The following SYT1 variants were observed in gnomAD, a reference collection of about 807,000 sequenced individuals.
The protein encoded by SYT1 is synaptotagmin 1.
A neutral mutation model predicts 44.8 loss-of-function variants in SYT1; 8 were observed. The observed-to-expected ratio is 0.18, with a 90% CI of 0.10 to 0.32. SYT1 has a LOEUF of 0.32. Among genes scored for constraint, SYT1 ranks in the 10% least tolerant of loss-of-function variants. The pLI, the probability that SYT1 is intolerant of heterozygous loss-of-function variation, is 1.00. For synonymous variants in SYT1, 154 were observed against 188.8 expected (o/e 0.82, Z 1.51); for missense variants, 286 against 509.3 (o/e 0.56, Z 4.22).
chr12:79,223,227 TCAGTCTTCA>T (rs1875282443), intron 4 of SYT1, among the ~76,000 whole-genome samples: 1 of 152,210 alleles, frequency 6.6e-6, no homozygotes, highest in Admixed American at 6.5e-5. Context: ...GGCACTTACT[TCAGTCTTCA>T]CAGTCTTCAT....
intron 1 of SYT1, chr12:78,960,675 T>A (rs1390542948): frequency 1.3e-5 from 2 of 152,230 alleles, no homozygotes; most frequent in African/African-American, 2.4e-5. Flanking sequence ...GATTCTCACT[T>A]ACATCAATAG....
intron 2 of SYT1, among the ~76,000 whole-genome samples, chr12:78,994,862 C>A (rs758443795): frequency 3.9e-5 from 6 of 152,068 alleles, no homozygotes; most frequent in Non-Finnish European, 7.4e-5. Flanking sequence ...TGTTTCCCAC[C>A]ATCAATATAC....
chr12:79,072,219 G>A (rs559016547), intron 3 of SYT1, among the ~76,000 whole-genome samples: 129 of 152,132 alleles, frequency 8.5e-4, no homozygotes, highest in Middle Eastern at 6.8e-3. Flanking sequence ...GTAAAAAAGA[G>A]CAACAACACT....
At chr12:79,311,689 T>C (rs1880803231) in intron 8 of SYT1, among the ~76,000 whole-genome samples, 1 of 138,152 alleles carries the variant, frequency 7.2e-6, no homozygotes, top group Non-Finnish European at 1.6e-5. Flanking sequence ...TATGCAGCCA[T>C]AAAAAATGAT....
At chr12:79,332,036 A>G (rs1881879583) in intron 8 of SYT1, among the ~76,000 whole-genome samples, 2 of 152,290 alleles carry the variant, frequency 1.3e-5, no homozygotes, top group East Asian at 1.9e-4. Context: ...ACAATTGCAT[A>G]ACATATGCTG....
In SYT1 at chr12:79,136,452, C is replaced by A. The variant is rs561997873; in HGVS notation, c.-17-81051C>A. Among the ~76,000 whole-genome samples, 7 of 152,332 alleles carry A rather than the reference C, an allele frequency of 4.6e-5. 1 individual carries two copies. Among genetic ancestry groups the A allele is most frequent in the African/African-American group, 1.4e-4 (6 of 41,582 alleles). ...ACCATATTTTGCCAACCTTGACCAG[C>A]TGTAAACTTGAGGAATCCCATACGC... On this transcript the variant is annotated intron_variant, in intron 3 of 10. Transcript: ENST00000261205.
chr12:79,384,519 A>G (rs1002196914), intron 9 of SYT1, among the ~76,000 whole-genome samples: 20 of 152,316 alleles, frequency 1.3e-4, no homozygotes, highest in African/African-American at 4.8e-4. Flanking sequence ...GCTTAACACT[A>G]GCATGTAAAA....
intron 2 of SYT1, among the ~76,000 whole-genome samples, chr12:78,988,154 C>T (rs1039352025): frequency 3.3e-5 from 5 of 151,542 alleles, no homozygotes; most frequent in South Asian, 4.2e-4. Flanking sequence ...ATGTACAATG[C>T]GTTAGGCATT....
chr12:79,099,661 G>GGT (rs1565806219), intron 3 of SYT1, among the ~76,000 whole-genome samples: 1 of 141,096 alleles, frequency 7.1e-6, no homozygotes, highest in East Asian at 2.4e-4. Flanking sequence ...AAAAGAATGA[G>GGT]TTTTTTTTTT....
chr12:79,330,742 G>A (rs529180855), intron 8 of SYT1, among the ~76,000 whole-genome samples: 66 of 152,186 alleles, frequency 4.3e-4, no homozygotes, highest in African/African-American at 1.4e-3. Flanking sequence ...GTATTAATCC[G>A]TTAAATCCAC....
chr12:79,174,846 T>C (rs574863842), intron 3 of SYT1, among the ~76,000 whole-genome samples: 1 of 152,134 alleles, frequency 6.6e-6, no homozygotes, highest in Non-Finnish European at 1.5e-5. Flanking sequence ...CGTGGGAGTT[T>C]TTAGAGACAG....
At chr12:79,397,040 T>C (rs1389100286) in intron 9 of SYT1, among the ~76,000 whole-genome samples, 1 of 152,034 alleles carries the variant, frequency 6.6e-6, no homozygotes, top group African/African-American at 2.4e-5. Context: ...GGTCCTGAGA[T>C]GGGAAGAAAC....
chr12:79,322,464 G>A (rs1481455393), intron 8 of SYT1, among the ~76,000 whole-genome samples: 1 of 152,084 alleles, frequency 6.6e-6, no homozygotes, highest in African/African-American at 2.4e-5. Flanking sequence ...CCAAATGTGG[G>A]TCATCATACA....
At chr12:79,239,552 T>A (rs1876380171) in intron 4 of SYT1, among the ~76,000 whole-genome samples, 1 of 152,238 alleles carries the variant, frequency 6.6e-6, no homozygotes, top group Non-Finnish European at 1.5e-5. Flanking sequence ...ATGAGGTATA[T>A]GAGAAATCTC....
chr12:78,996,144 A>G (rs1870366102), intron 2 of SYT1, among the ~76,000 whole-genome samples: 1 of 152,178 alleles, frequency 6.6e-6, no homozygotes, highest in Non-Finnish European at 1.5e-5. Context: ...CATACAATTT[A>G]CTTGGTTGAA....
chr12:79,250,403 C>T (rs534588798), intron 4 of SYT1, among the ~76,000 whole-genome samples: 2 of 152,332 alleles, frequency 1.3e-5, no homozygotes, highest in African/African-American at 4.8e-5. Flanking sequence ...TCCTGGAACA[C>T]TCACGTTGAA....
At chr12:78,885,923 A>G (rs1289166123) in intron 1 of SYT1, among the ~76,000 whole-genome samples, 1 of 152,036 alleles carries the variant, frequency 6.6e-6, no homozygotes, top group Admixed American at 6.6e-5. Context: ...AGCAAAATAC[A>G]TATCTATTTT....
chr12:78,982,285 T>C (rs917495533), intron 2 of SYT1, among the ~76,000 whole-genome samples: 4 of 152,150 alleles, frequency 2.6e-5, no homozygotes, highest in African/African-American at 9.7e-5. Context: ...TAATTCTTCA[T>C]CAACTGTAAT....
intron 9 of SYT1, among the ~76,000 whole-genome samples, chr12:79,369,486 A>C (rs1261656508): frequency 6.6e-6 from 1 of 152,216 alleles, no homozygotes; most frequent in Non-Finnish European, 1.5e-5. Context: ...GAAAAGAAAA[A>C]GAAAGTGTCA....
Sources: allele counts gnomAD v4.1 joint callset (sites outside exome capture counted in the v4.1 genomes callset), GRCh38; gene constraint gnomAD v4.1.1; transcripts MANE v1.5; gene names NCBI Gene and HGNC (gene_info 2026-07-23, HGNC 2026-07-21).